The following KRR1 variants were observed in gnomAD, a reference collection of about 807,000 sequenced individuals.
The protein encoded by KRR1 is KRR1 small subunit processome component, also known as KRR1 small subunit processome component homolog.
A neutral mutation model predicts 50.0 loss-of-function variants in KRR1; 23 were observed. The ratio of observed to expected loss-of-function variants is 0.46; its 90% CI spans 0.33 to 0.65. KRR1 has a LOEUF of 0.65. KRR1 is among the 30% of genes least tolerant of loss of function. The pLI is 0.02. For missense variants in KRR1, 419 were observed against 442.4 expected, an observed-to-expected ratio of 0.95 and a Z score of 0.47; for synonymous variants, 133 against 146.3, an observed-to-expected ratio of 0.91 and a Z score of 0.66.
At position 75,497,449 on chromosome 12, in the gene KRR1, C is replaced by T. The variant is rs2046358023; in HGVS notation, c.*2360G>A. 6.6e-6 allele frequency: 1 copy of T among 152,196 alleles called. No individual in the cohort carries two copies. The highest frequency in any genetic ancestry group is 1.5e-5 in the Non-Finnish European group (1 of 68,036). 9.4% of individuals were successfully genotyped at this position (152,196 alleles called of 1,614,324 possible). A position where few individuals can be genotyped will look rare whatever the true frequency, so the allele number is the denominator to read the frequency against. On this transcript the variant is annotated 3_prime_UTR_variant, in exon 10 of 10. Coordinates refer to ENST00000229214, the MANE Select transcript of KRR1 (RefSeq NM_007043.7). ...CCATTTACTTCAGATAAGTGCTCAA[C>T]ATCTTACAGATTGATCTTGTCACTA...
chr12:75,502,752 ACT>A (rs2046403444), intron 7 of KRR1: 1 of 152,050 alleles, frequency 6.6e-6, no homozygotes, highest in Admixed American at 6.6e-5. Flanking sequence ...TCGAGACATC[ACT>A]GTTTCAAGAA....
chr12:75,509,553 A>G (rs1311313453), intron 1 of KRR1, among the ~76,000 whole-genome samples: 1 of 151,580 alleles, frequency 6.6e-6, no homozygotes. Context: ...CACGAATTCC[A>G]CAAAAGTGAT....
intron 6 of KRR1, 64 bp downstream of exon 6, chr12:75,505,134 A>G: frequency 7.1e-7 from 1 of 1,418,208 alleles, no homozygotes; most frequent in Non-Finnish European, 9.6e-7. Flanking sequence ...AATTTCAAGA[A>G]AGGTTTCTGT....
Position 75,492,088 on chromosome 12 carries a change from CT to C in KRR1, c.*7720del, listed in dbSNP as rs34425658. The C allele has an allele frequency of 1.1e-3, 160 of 140,556 alleles. No homozygotes were observed. The highest frequency in any genetic ancestry group is 1.2e-3 in the East Asian group (6 of 4,804). 8.7% of individuals were successfully genotyped at this position (140,556 alleles called of 1,614,324 possible). A position where few individuals can be genotyped will look rare whatever the true frequency, so the allele number is the denominator to read the frequency against. On this transcript the variant is annotated 3_prime_UTR_variant, in exon 10 of 10. Coordinates refer to ENST00000229214, the MANE Select transcript of KRR1 (RefSeq NM_007043.7). ...TTCAGTTAGTGGTAACTTTTCATGA[CT>C]TTTTTTTTTTTTTTTGAGACAGGGT...
intron 9 of KRR1, chr12:75,501,393 G>C (rs1333536685): frequency 4.7e-6 from 1 of 213,896 alleles, no homozygotes; most frequent in Non-Finnish European, 9.3e-6. Context: ...TCTTTGAGAG[G>C]CATGACAGCA....
chr12:75,510,871 A>G (rs1408087260), intron 1 of KRR1, among the ~76,000 whole-genome samples: 2 of 152,210 alleles, frequency 1.3e-5, no homozygotes, highest in African/African-American at 4.8e-5. Flanking sequence ...AACACTTCCT[A>G]TAAGCCTGGT....
chr12:75,508,313 T>C lies in KRR1; in HGVS notation c.219A>G (p.Lys73=). The part of the protein sequence containing the change: ...LFPKYREAYL[K]ECWPLVQKAL... Reference sequence around the variant, plus strand: ...CTTTCTGCACCAATGGCCAACACTCTTTCAAGTAAGCTTCCCTGTATTTTG... The same window carrying C: ...CTTTCTGCACCAATGGCCAACACTCCTTCAAGTAAGCTTCCCTGTATTTTG... Residue 73 remains lysine, a synonymous_variant, in exon 2 of 10, where the codon AAA becomes AAG. Transcript: ENST00000229214. 6.2e-7 allele frequency: 1 copy of C among 1,613,454 alleles called. No individual in the cohort carries two copies. Among genetic ancestry groups the C allele is most frequent in the Non-Finnish European group, 8.5e-7 (1 of 1,179,668 alleles).
In KRR1 at chr12:75,499,699, A is replaced by ACCACC; in HGVS notation, c.*109_*110insGGTGG. 1.1e-5 allele frequency: 1 copy of ACCACC among 94,682 alleles called. No individual in the cohort carries two copies. Among genetic ancestry groups the ACCACC allele is most frequent in the Non-Finnish European group, 2.1e-5 (1 of 46,740 alleles). 5.9% of individuals were successfully genotyped at this position (94,682 alleles called of 1,614,324 possible). ...TCTTCTATGAACAACCACCACCACC[A>ACCACC]AAAAAAAAAAAAGCCCTCAGAAAAT... On this transcript the variant is annotated 3_prime_UTR_variant, in exon 10 of 10. Coordinates refer to ENST00000229214, the MANE Select transcript of KRR1 (RefSeq NM_007043.7).
chr12:75,504,246 A>G (rs2046412281), intron 6 of KRR1, 172 bp from the exon 7 acceptor site: 1 of 407,822 alleles, frequency 2.5e-6, no homozygotes, highest in Non-Finnish European at 4.4e-6. Context: ...AACATGTATA[A>G]TTATTAGAAA....
In KRR1 at chr12:75,496,009, G is replaced by GT. The variant is rs67599616; in HGVS notation, c.*3799dup. ...GAATTCTGTTTTCGTTTTTTTTTTT[G>GT]TTTTTTTTTTTTGAGACAGAGTCTT... On this transcript the variant is annotated 3_prime_UTR_variant, in exon 10 of 10. Transcript: ENST00000229214. 0.33 allele frequency: 45,490 copies of GT among 139,244 alleles called. 7,775 individuals carry two copies. Among genetic ancestry groups the GT allele is most frequent in the East Asian group, 0.45 (2,080 of 4,622 alleles). The allele number at this position is 139,244 out of a possible 1,614,324, so 8.6% of individuals were successfully genotyped here.
rs1335630189 is a variant in KRR1 at position 75,497,163 on chromosome 12, GCTT to G, written c.*2643_*2645del. 3 of 152,096 alleles carry G rather than the reference GCTT, an allele frequency of 2.0e-5. No homozygotes were observed. The highest frequency in any genetic ancestry group is 6.6e-5 in the Admixed American group (1 of 15,260). 9.4% of individuals were successfully genotyped at this position (152,096 alleles called of 1,614,324 possible). ...CCACTGTGACTTTGGGCAAGTTTCT[GCTT>G]CTATTTTTTTCAACGAAACAACCCA... is the stretch of plus-strand genomic sequence containing the variant. On this transcript the variant is annotated 3_prime_UTR_variant, in exon 10 of 10. Transcript: ENST00000229214.
chr12:75,504,698 C>T (rs1566104984), intron 6 of KRR1, among the ~76,000 whole-genome samples: 1 of 151,960 alleles, frequency 6.6e-6, no homozygotes, highest in Non-Finnish European at 1.5e-5. Context: ...GTTCTATATA[C>T]CATGGTTACA....
rs749988147 is a variant in KRR1 at position 75,511,569 on chromosome 12, T to C, written c.29A>G (p.Glu10Gly). The C allele has an allele frequency of 6.2e-7, 1 of 1,614,014 alleles. No homozygotes were observed. Residue 10 changes from glutamate (E) to glycine (G), a missense_variant, in exon 1 of 10, where the codon GAA (glutamate) becomes GGA (glycine). Glu to Gly is a moderately conservative substitution (Grantham distance 98). Coordinates refer to ENST00000229214, the MANE Select transcript of KRR1 (RefSeq NM_007043.7). MASPSLERP[E>G]KGAGKSEFRN... Reference sequence around the variant, plus strand: ...AAATTCACTTTTTCCAGCGCCTTTTTCTGGCCGCTCCAGCGAGGGAGACGC... The same window carrying C: ...AAATTCACTTTTTCCAGCGCCTTTTCCTGGCCGCTCCAGCGAGGGAGACGC...
rs1566099738 is a variant in KRR1, at chr12:75,495,411, T to C, written c.*4398A>G. ...GTACATAGAATGAACTATGCAAATA[T>C]TAGCAGCCTTCCATTTCTGCCTTCC... On this transcript the variant is annotated 3_prime_UTR_variant, in exon 10 of 10. Coordinates refer to ENST00000229214, the MANE Select transcript of KRR1 (RefSeq NM_007043.7). 3 of 570,952 alleles carry C rather than the reference T, an allele frequency of 5.3e-6. No homozygotes were observed. The highest frequency in any genetic ancestry group is 6.4e-6 in the Non-Finnish European group (2 of 312,192). 35.4% of individuals were successfully genotyped at this position (570,952 alleles called of 1,614,324 possible).
At position 75,506,314 on chromosome 12, in the gene KRR1, A is replaced by G; in HGVS notation, c.603+2T>C. 6.3e-7 allele frequency: 1 copy of G among 1,581,200 alleles called. No individual in the cohort carries two copies. Among genetic ancestry groups the G allele is most frequent in the Non-Finnish European group, 8.7e-7 (1 of 1,153,264 alleles). On this transcript the variant is annotated splice_donor_variant, in intron 5 of 9. Coordinates refer to ENST00000229214, the MANE Select transcript of KRR1 (RefSeq NM_007043.7). LOFTEE classifies it high-confidence loss of function. ...GAATCGAAGATAATACATAGTTCTC[A>G]CCTCTTTTAAGCCACTAAAAGGTCC...
rs200862058 is a variant in KRR1 at position 75,506,500 on chromosome 12, T to C, written c.503A>G (p.Lys168Arg). Residue 168 changes from lysine (K) to arginine (R), a missense_variant, in exon 4 of 10, where the codon AAA (lysine) becomes AGA (arginine). Lys to Arg is a conservative substitution (Grantham distance 26). Transcript: ENST00000229214. Reference protein sequence around the residue: ...VKRRQRLIGPKGSTLKALELL... With the variant: ...VKRRQRLIGPRGSTLKALELL... ...AAAAAATACCTTCAATGTAGATCCT[T>C]TGGGACCAATAAGCCGTTGTCTTCG... The C allele has an allele frequency of 1.2e-5, 19 of 1,610,942 alleles. No individual in the cohort carries two copies. Among genetic ancestry groups the C allele is most frequent in the Admixed American group, 1.7e-5 (1 of 59,434 alleles).
intron 1 of KRR1, among the ~76,000 whole-genome samples, chr12:75,509,625 G>A (rs2046437779): frequency 7.4e-6 from 1 of 134,388 alleles, no homozygotes; most frequent in Admixed American, 8.1e-5. Context: ...GCCTCGCTCT[G>A]TCACCCAGGC....
Position 75,494,501 on chromosome 12 carries a change from T to TCTC in KRR1, c.*5307_*5308insGAG, listed in dbSNP as rs1288895867. The stretch of plus-strand genomic sequence containing the variant: ...GAAACTAATAGCCCCCGGTAGATCT[T>TCTC]AATAGAGAAGCACATATTACTTTAT... On this transcript the variant is annotated 3_prime_UTR_variant, in exon 10 of 10. Transcript: ENST00000229214. 2.2e-4 allele frequency: 34 copies of TCTC among 152,178 alleles called. No individual in the cohort carries two copies. Among genetic ancestry groups the TCTC allele is most frequent in the African/African-American group, 8.0e-4 (33 of 41,454 alleles). The allele number at this position is 152,178 out of a possible 1,614,324, so 9.4% of individuals were successfully genotyped here. A position where few individuals can be genotyped will look rare whatever the true frequency, so the allele number is the denominator to read the frequency against.
intron 5 of KRR1, 150 bp downstream of exon 5, chr12:75,506,166 G>A (rs2046420623): frequency 7.1e-6 from 4 of 566,400 alleles, no homozygotes; most frequent in Admixed American, 3.6e-5. Context: ...TGATTCCCTT[G>A]AATTATATGA....
Sources: allele counts gnomAD v4.1 joint callset (sites outside exome capture counted in the v4.1 genomes callset), GRCh38; gene constraint gnomAD v4.1.1; transcripts MANE v1.5; gene names NCBI Gene and HGNC (gene_info 2026-07-23, HGNC 2026-07-21).